SUGCT: variants seen among roughly 807,000 people sequenced by gnomAD.
The protein encoded by SUGCT is succinyl-CoA:glutarate CoA-transferase.
SUGCT carries 41 observed loss-of-function variants against 55.0 expected under a neutral mutation model. The observed-to-expected ratio is 0.74, with a 90% confidence interval of 0.58 to 0.97. The LOEUF (loss-of-function observed/expected upper bound fraction) is 0.97. Among genes scored for constraint, SUGCT ranks in the 50% least tolerant of loss-of-function variants. The probability of loss-of-function intolerance (pLI) is 0.00; values close to 1 mark genes in which losing one functional copy is unlikely to be tolerated. For missense variants in SUGCT, 568 were observed against 547.8 expected, an observed-to-expected ratio of 1.04 and a Z score of -0.37; for synonymous variants, 187 against 200.4, an observed-to-expected ratio of 0.93 and a Z score of 0.56.
chr7:40,153,402 C>T, intron 1 of SUGCT: 1 of 368,106 alleles, frequency 2.7e-6, no homozygotes, highest in South Asian at 2.5e-5. Context: ...GGAAGGCCGA[C>T]ATGACCAATT....
At chr7:40,871,067 A>C in the SUGCT span, among the ~76,000 whole-genome samples, 1 of 152,224 alleles carries the variant, frequency 6.6e-6, no homozygotes, top group Non-Finnish European at 1.5e-5. Flanking sequence ...CTTTTACTAG[A>C]AAATGGTATT....
chr7:40,226,640 A>G (rs1788381323), intron 6 of SUGCT, among the ~76,000 whole-genome samples: 1 of 150,888 alleles, frequency 6.6e-6, no homozygotes, highest in East Asian at 1.9e-4. Context: ...TGAAATGAGC[A>G]TTAGTTCTAG....
At chr7:40,582,369 A>G (rs1002835537) in intron 12 of SUGCT, among the ~76,000 whole-genome samples, 1 of 152,166 alleles carries the variant, frequency 6.6e-6, no homozygotes, top group African/African-American at 2.4e-5. Context: ...CAACAATGAG[A>G]TATTTGAATT....
chr7:40,695,172 TTTATTTA>T (rs1337371894), intron 12 of SUGCT, among the ~76,000 whole-genome samples: 3 of 115,596 alleles, frequency 2.6e-5, no homozygotes, highest in African/African-American at 1.2e-4. Context: ...CTTATTTTTA[TTTATTTA>T]TTTATTTATT....
intron 8 of SUGCT, among the ~76,000 whole-genome samples, chr7:40,305,890 C>G (rs951609550): frequency 6.6e-6 from 1 of 152,060 alleles, no homozygotes; most frequent in Non-Finnish European, 1.5e-5. Flanking sequence ...ATCTTGAACT[C>G]GTGAGTTCAA....
At chr7:40,303,263 A>G (rs112588212) in intron 8 of SUGCT, among the ~76,000 whole-genome samples, 11,869 of 152,006 alleles carry the variant, frequency 0.078, 1,002 homozygotes, top group African/African-American at 0.21. Flanking sequence ...TGGACTCCTG[A>G]CCTCAGGTGA....
In SUGCT at chr7:40,190,893, G is replaced by A. The variant is rs145193158; in HGVS notation, c.363+1299G>A. ...AGGGTACATGGGTTTTGCATCCAGT[G>A]AATACTGCATTTTCCATCCACGTTT... On this transcript the variant is annotated intron_variant, in intron 5 of 13. Coordinates refer to ENST00000335693, the MANE Select transcript of SUGCT (RefSeq NM_001193313.2). Among the ~76,000 whole-genome samples the A allele has an allele frequency of 1.7e-3, 263 of 152,262 alleles. 1 individual carries two copies. Among genetic ancestry groups the A allele is most frequent in the Admixed American group, 4.6e-3 (71 of 15,274 alleles).
the SUGCT span, among the ~76,000 whole-genome samples, chr7:40,982,896 A>T: frequency 6.6e-6 from 1 of 152,072 alleles, no homozygotes; most frequent in South Asian, 2.1e-4. Context: ...CAACCTGCCC[A>T]CCTCAGCCTC....
intron 6 of SUGCT, among the ~76,000 whole-genome samples, chr7:40,199,567 C>A (rs961428230): frequency 1.3e-5 from 2 of 152,146 alleles, no homozygotes; most frequent in African/African-American, 2.4e-5. Flanking sequence ...TTTCCCCTAA[C>A]AATTTAATTT....
the SUGCT span, among the ~76,000 whole-genome samples, chr7:40,903,645 T>C: frequency 6.6e-6 from 1 of 152,096 alleles, no homozygotes; most frequent in Admixed American, 6.5e-5. Context: ...TAAACCCCCC[T>C]CTAGCAATCC....
At chr7:40,328,983 T>C (rs1388263983) in intron 9 of SUGCT, among the ~76,000 whole-genome samples, 1 of 152,180 alleles carries the variant, frequency 6.6e-6, no homozygotes, top group East Asian at 1.9e-4. Context: ...GCCTGGTGGC[T>C]CTGTGTGGAG....
Position 40,174,597 on chromosome 7 carries a change from C to G in SUGCT, c.101-6350C>G, listed in dbSNP as rs181869164. On this transcript the variant is annotated intron_variant, in intron 1 of 13. Transcript: ENST00000335693. ...AGGTTACAGTGAACTATGTATGTTCCTGCCACTGCACCCTAGCCTGGGCAA... is the reference window on the plus strand; with the variant it reads ...AGGTTACAGTGAACTATGTATGTTCGTGCCACTGCACCCTAGCCTGGGCAA... 2.0e-4 allele frequency among the ~76,000 whole-genome samples: 31 copies of G among 152,242 alleles called. 1 individual carries two copies. Among genetic ancestry groups the G allele is most frequent in the Admixed American group, 1.7e-3 (26 of 15,286 alleles).
At chr7:40,611,653 C>G (rs1798772259) in intron 12 of SUGCT, among the ~76,000 whole-genome samples, 1 of 152,164 alleles carries the variant, frequency 6.6e-6, no homozygotes, top group Non-Finnish European at 1.5e-5. Context: ...CTAGTAATAG[C>G]TAACTCTTTT....
chr7:40,391,846 G>C (rs1447512538), intron 9 of SUGCT, among the ~76,000 whole-genome samples: 1 of 152,146 alleles, frequency 6.6e-6, no homozygotes, highest in Non-Finnish European at 1.5e-5. Context: ...TGTGTTTGTT[G>C]CGGCACTATT....
chr7:40,979,039 T>C, the SUGCT span, among the ~76,000 whole-genome samples: 1 of 152,208 alleles, frequency 6.6e-6, no homozygotes, highest in Non-Finnish European at 1.5e-5. Context: ...GATTGGGAGT[T>C]GGTGCAAGGT....
intron 6 of SUGCT, among the ~76,000 whole-genome samples, chr7:40,225,651 G>T (rs561199860): frequency 1.4e-3 from 213 of 152,004 alleles, no homozygotes; most frequent in Non-Finnish European, 2.3e-3. Flanking sequence ...GGCCAGGCTG[G>T]TCTTGAACTC....
intron 9 of SUGCT, among the ~76,000 whole-genome samples, chr7:40,404,883 T>TA (rs1186308309): frequency 2.0e-5 from 3 of 152,244 alleles, no homozygotes; most frequent in African/African-American, 7.2e-5. Context: ...TCTTAATGTT[T>TA]ACAGAGAGAT....
intron 12 of SUGCT, among the ~76,000 whole-genome samples, chr7:40,548,632 C>G (rs187778493): frequency 6.6e-6 from 1 of 152,098 alleles, no homozygotes; most frequent in Non-Finnish European, 1.5e-5. Flanking sequence ...TCCCCCACCC[C>G]CAGAGTTGTA....
At chr7:40,515,021 A>G (rs1263472094) in intron 12 of SUGCT, among the ~76,000 whole-genome samples, 3 of 152,216 alleles carry the variant, frequency 2.0e-5, no homozygotes, top group Non-Finnish European at 4.4e-5. Flanking sequence ...ATCTTATATA[A>G]TTATAGTATA....
Sources: allele counts gnomAD v4.1 joint callset (sites outside exome capture counted in the v4.1 genomes callset), GRCh38; gene constraint gnomAD v4.1.1; transcripts MANE v1.5; gene names NCBI Gene and HGNC (gene_info 2026-07-23, HGNC 2026-07-21).